Variants in HHLA1 observed in about 807,000 individuals in gnomAD.
HHLA1 encodes the protein HERV-H LTR-associating protein 1.
In HHLA1, 72 loss-of-function variants were observed where a neutral mutation model predicts 69.9. That is an observed-to-expected ratio of 1.03 (90% CI 0.85 to 1.25). HHLA1 has a LOEUF of 1.25. HHLA1 is among the 50% of genes most tolerant of loss of function. HHLA1 has a pLI of 0.00. For missense variants in HHLA1, 685 were observed against 642.2 expected (o/e 1.07, Z -0.72); for synonymous variants, 252 against 233.2 (o/e 1.08, Z -0.73).
chr8:132,082,731 G>A (rs941303901), intron 10 of HHLA1, among the ~76,000 whole-genome samples: 8 of 152,048 alleles, frequency 5.3e-5, no homozygotes, highest in African/African-American at 9.7e-5. Flanking sequence ...GATCAAGCAC[G>A]GAATAGTGAG....
At chr8:132,087,572 G>A in intron 10 of HHLA1, 81 bp downstream of exon 10, 1 of 815,480 alleles carries the variant, frequency 1.2e-6, no homozygotes, top group South Asian at 1.6e-5. Flanking sequence ...AACACCTGAG[G>A]GCAGCTTTCA....
At chr8:132,069,400 C>T (rs989949299) in intron 15 of HHLA1, among the ~76,000 whole-genome samples, 36 of 152,144 alleles carry the variant, frequency 2.4e-4, no homozygotes, top group African/African-American at 8.7e-4. Context: ...ACAGAGGCTA[C>T]GTTCAGCAAA....
chr8:132,082,847 A>G (rs1358770186), intron 10 of HHLA1, among the ~76,000 whole-genome samples: 1 of 152,148 alleles, frequency 6.6e-6, no homozygotes, highest in Non-Finnish European at 1.5e-5. Context: ...ACTAACTTGT[A>G]AGGCTTGTCT....
rs115713540 is a variant in HHLA1 at position 132,089,929 on chromosome 8, G to A, written c.449-330C>T. Among the ~76,000 whole-genome samples the A allele has an allele frequency of 3.9e-4, 59 of 152,130 alleles. 1 individual carries two copies. The South Asian group carries it at 6.7e-3, about 17-fold the overall frequency. Reference sequence around the variant, plus strand: ...TCTGGCGGCTTTTCCCCATTGTTTCGTCTAATTGTTTTTAGAATGCCAACT... The same window carrying A: ...TCTGGCGGCTTTTCCCCATTGTTTCATCTAATTGTTTTTAGAATGCCAACT... On this transcript the variant is annotated intron_variant, in intron 7 of 16. Transcript: ENST00000414222.
intron 4 of HHLA1, among the ~76,000 whole-genome samples, chr8:132,099,761 G>T (rs978526258): frequency 1.3e-5 from 2 of 152,116 alleles, no homozygotes; most frequent in African/African-American, 4.8e-5. Context: ...GGCTGAGGCA[G>T]GAGAATCGCT....
rs2130870366 is a variant in HHLA1 at position 132,062,066 on chromosome 8, A to T, written c.*1929T>A. 6.6e-6 allele frequency: 1 copy of T among 152,116 alleles called. No individual in the cohort carries two copies. The highest frequency in any genetic ancestry group is 2.1e-4 in the South Asian group (1 of 4,802). 9.4% of individuals were successfully genotyped at this position (152,116 alleles called of 1,614,324 possible). A position where few individuals can be genotyped will look rare whatever the true frequency, so the allele number is the denominator to read the frequency against. On this transcript the variant is annotated 3_prime_UTR_variant, in exon 17 of 17. Coordinates refer to ENST00000414222, the MANE Select transcript of HHLA1 (RefSeq NM_001145095.3). Reference sequence around the variant, plus strand: ...TTGATGATAAGTTACTCTTTGAGGAACCTTGAGGACCCTCTCCTGTCAAAG... The same window carrying T: ...TTGATGATAAGTTACTCTTTGAGGATCCTTGAGGACCCTCTCCTGTCAAAG...
intron 14 of HHLA1, among the ~76,000 whole-genome samples, chr8:132,074,501 A>G: frequency 6.6e-6 from 1 of 152,228 alleles, no homozygotes; most frequent in South Asian, 2.1e-4. Context: ...TGTGAAGAGA[A>G]AGTAAAAATA....
intron 14 of HHLA1, among the ~76,000 whole-genome samples, chr8:132,073,696 C>T (rs949291843): frequency 6.6e-6 from 1 of 152,152 alleles, no homozygotes; most frequent in Non-Finnish European, 1.5e-5. Context: ...ATTTCCATGT[C>T]CCTTGCCCCA....
chr8:132,102,681 C>G (rs1824129037), intron 3 of HHLA1, among the ~76,000 whole-genome samples: 1 of 151,868 alleles, frequency 6.6e-6, no homozygotes, highest in African/African-American at 2.4e-5. Context: ...AGGATTATGT[C>G]AGTTCGGGGT....
At chr8:132,083,430 T>C (rs992024803) in intron 10 of HHLA1, among the ~76,000 whole-genome samples, 2 of 151,988 alleles carry the variant, frequency 1.3e-5, no homozygotes, top group Admixed American at 6.6e-5. Context: ...CCTTCCACTG[T>C]GAGAGTTACC....
rs1279427551 is a variant in HHLA1 at position 132,076,474 on chromosome 8, C to T, written c.1240+1G>A. 10 of 1,406,714 alleles carry T rather than the reference C, an allele frequency of 7.1e-6. No homozygotes were observed. Among genetic ancestry groups the T allele is most frequent in the Non-Finnish European group, 9.5e-6 (10 of 1,053,876 alleles). 87.1% of individuals were successfully genotyped at this position (1,406,714 alleles called of 1,614,324 possible). On this transcript the variant is annotated splice_donor_variant, in intron 13 of 16. Coordinates refer to ENST00000414222, the MANE Select transcript of HHLA1 (RefSeq NM_001145095.3). LOFTEE classifies it high-confidence loss of function. The stretch of plus-strand genomic sequence containing the variant: ...CCCCACTTCCGTACTGAGTTTCTCA[C>T]CTGTTTGTGGATATCTGGGGGCTGT...
intron 15 of HHLA1, among the ~76,000 whole-genome samples, chr8:132,066,835 AG>A (rs2130873783): frequency 6.6e-6 from 1 of 152,340 alleles, no homozygotes; most frequent in African/African-American, 2.4e-5. Flanking sequence ...GACTTCCCCA[AG>A]GGATTTCTGG....
chr8:132,068,446 C>T (rs889745279), intron 15 of HHLA1, among the ~76,000 whole-genome samples: 3 of 152,176 alleles, frequency 2.0e-5, no homozygotes, highest in African/African-American at 7.2e-5. Flanking sequence ...GGAATGGAGT[C>T]AAAGTCCTGT....
In HHLA1 at chr8:132,098,979, G is replaced by A. The variant is rs1458743827; in HGVS notation, c.200-17C>T. 2.6e-6 allele frequency: 4 copies of A among 1,517,900 alleles called. No homozygotes were observed. The highest frequency in any genetic ancestry group is 3.6e-6 in the Non-Finnish European group (4 of 1,125,132). The allele number at this position is 1,517,900 out of a possible 1,614,324, so 94.0% of individuals were successfully genotyped here. On this transcript the variant is annotated splice_polypyrimidine_tract_variant and intron_variant, in intron 4 of 16. Coordinates refer to ENST00000414222, the MANE Select transcript of HHLA1 (RefSeq NM_001145095.3). ...CGGGCAGCTCTGAAAGAGATTCAGA[G>A]ATAATGTCACTGGCAGGCTTTTCTC...
intron 7 of HHLA1, among the ~76,000 whole-genome samples, chr8:132,094,772 C>T (rs1438994071): frequency 1.3e-5 from 2 of 152,152 alleles, no homozygotes; most frequent in African/African-American, 2.4e-5. Context: ...ATCTATGTCC[C>T]ACGGGAGCAG....
chr8:132,095,628 G>C (rs1183058023), intron 6 of HHLA1, 26 bp from the exon 7 acceptor site: 6 of 1,533,276 alleles, frequency 3.9e-6, no homozygotes, highest in Non-Finnish European at 4.4e-6. Context: ...ATTCAACAGA[G>C]ATCCTAACAC....
At chr8:132,069,317 G>A (rs964421816) in intron 15 of HHLA1, among the ~76,000 whole-genome samples, 53 of 152,274 alleles carry the variant, frequency 3.5e-4, no homozygotes, top group African/African-American at 1.0e-3. Flanking sequence ...CAGCTGCTTT[G>A]AAATTTGTCT....
chr8:132,077,644 A>C, intron 12 of HHLA1, 82 bp downstream of exon 12: 2 of 1,432,328 alleles, frequency 1.4e-6, no homozygotes, highest in Non-Finnish European at 1.9e-6. Context: ...ATTATATTCC[A>C]AAAATTTAGA....
At chr8:132,102,370 A>G (rs1586735773) in intron 3 of HHLA1, among the ~76,000 whole-genome samples, 2 of 152,314 alleles carry the variant, frequency 1.3e-5, no homozygotes, top group South Asian at 4.2e-4. Context: ...TTAAATATCA[A>G]AGCTTCTGGG....
Sources: allele counts gnomAD v4.1 joint callset (sites outside exome capture counted in the v4.1 genomes callset), GRCh38; gene constraint gnomAD v4.1.1; transcripts MANE v1.5; gene names NCBI Gene and HGNC (gene_info 2026-07-23, HGNC 2026-07-21).